EIF3H: variants seen among roughly 807,000 people sequenced by gnomAD.
EIF3H encodes eIF-3-gamma.
In EIF3H, 26 loss-of-function variants were observed where a neutral mutation model predicts 44.2. The ratio of observed to expected loss-of-function variants is 0.59; its 90% CI spans 0.43 to 0.82. The LOEUF (loss-of-function observed/expected upper bound fraction) is 0.82. Ranked by LOEUF, EIF3H falls within the 40% of genes least tolerant of loss-of-function variation. The pLI is 0.00. For synonymous variants in EIF3H, 166 were observed against 151.9 expected (o/e 1.09, Z -0.68); for missense variants, 359 against 432.8 (o/e 0.83, Z 1.51).
At chr8:116,663,082 G>C (rs1239029004) in intron 2 of EIF3H, among the ~76,000 whole-genome samples, 1 of 152,116 alleles carries the variant, frequency 6.6e-6, no homozygotes, top group Non-Finnish European at 1.5e-5. Flanking sequence ...TAGCCCACAG[G>C]CTCTGGTGAC....
At chr8:116,731,285 A>G (rs1814946205) in intron 1 of EIF3H, among the ~76,000 whole-genome samples, 1 of 152,182 alleles carries the variant, frequency 6.6e-6, no homozygotes. Context: ...GGGGAGCTTT[A>G]AAGTATACTA....
chr8:116,706,645 G>A (rs1452019036), intron 2 of EIF3H, among the ~76,000 whole-genome samples: 2 of 151,996 alleles, frequency 1.3e-5, no homozygotes, highest in Non-Finnish European at 2.9e-5. Flanking sequence ...AGAGATTCTT[G>A]TGCCTCAGCC....
chr8:116,718,083 T>C (rs1814684574), intron 2 of EIF3H, among the ~76,000 whole-genome samples: 1 of 151,546 alleles, frequency 6.6e-6, no homozygotes, highest in South Asian at 2.1e-4. Context: ...GCTAAGGACA[T>C]GAAAGAGGAT....
chr8:116,765,071 G>C (rs968158007), intron 1 of EIF3H, among the ~76,000 whole-genome samples: 1 of 152,096 alleles, frequency 6.6e-6, no homozygotes, highest in African/African-American at 2.4e-5. Flanking sequence ...AAGAAAAAAT[G>C]TTTTAACTGT....
At chr8:116,707,452 C>A (rs1053507670) in intron 2 of EIF3H, among the ~76,000 whole-genome samples, 11 of 152,122 alleles carry the variant, frequency 7.2e-5, no homozygotes, top group Non-Finnish European at 1.3e-4. Flanking sequence ...AGAACAGGTG[C>A]TTTTTACAAA....
chr8:116,757,755 T>C (rs1348786583), upstream of EIF3H, among the ~76,000 whole-genome samples: 1 of 151,450 alleles, frequency 6.6e-6, no homozygotes, highest in Non-Finnish European at 1.5e-5. Context: ...AGAGTCTCCC[T>C]GTGTCACCCA....
At chr8:116,707,092 T>C (rs1357520113) in intron 2 of EIF3H, among the ~76,000 whole-genome samples, 1 of 152,202 alleles carries the variant, frequency 6.6e-6, no homozygotes. Context: ...AAGGCAGAAT[T>C]ATCCACGGAA....
intron 1 of EIF3H, among the ~76,000 whole-genome samples, chr8:116,752,750 AAAG>A (rs1815374368): frequency 1.0e-5 from 1 of 95,980 alleles, no homozygotes; most frequent in Non-Finnish European, 2.1e-5. Context: ...AGAAAGAAAG[AAAG>A]AGGGAGGGAG....
chr8:116,720,346 A>G (rs1563652367), intron 2 of EIF3H, among the ~76,000 whole-genome samples: 1 of 152,182 alleles, frequency 6.6e-6, no homozygotes, highest in Non-Finnish European at 1.5e-5. Flanking sequence ...TAAATGTTTA[A>G]CATGCATGTT....
intron 1 of EIF3H, among the ~76,000 whole-genome samples, chr8:116,741,846 T>C (rs1815138408): frequency 6.6e-6 from 1 of 152,252 alleles, no homozygotes; most frequent in South Asian, 2.1e-4. Flanking sequence ...GTCTGTGAAC[T>C]TGGCAGTTTT....
chr8:116,731,722 A>G (rs1047063307), intron 1 of EIF3H, among the ~76,000 whole-genome samples: 29 of 152,232 alleles, frequency 1.9e-4, no homozygotes, highest in South Asian at 6.2e-4. Context: ...TCTGCAGCAC[A>G]GTAAGACTTA....
At chr8:116,691,241 CCA>C (rs1439783584) in intron 2 of EIF3H, among the ~76,000 whole-genome samples, 23 of 152,160 alleles carry the variant, frequency 1.5e-4, no homozygotes, top group African/African-American at 5.6e-4. Context: ...CACACATATA[CCA>C]CACTTTGAAA....
intron 2 of EIF3H, among the ~76,000 whole-genome samples, chr8:116,691,778 A>G (rs190465715): frequency 4.0e-4 from 60 of 151,824 alleles, no homozygotes; most frequent in African/African-American, 1.4e-3. Flanking sequence ...GGGAGGCTGA[A>G]GCAGAATTGC....
intron 2 of EIF3H, among the ~76,000 whole-genome samples, chr8:116,673,616 T>C (rs1586446005): frequency 6.6e-6 from 1 of 152,156 alleles, no homozygotes; most frequent in African/African-American, 2.4e-5. Context: ...AAAATAGAAA[T>C]GGCTTTATTG....
intron 1 of EIF3H, among the ~76,000 whole-genome samples, chr8:116,732,591 A>G (rs567847334): frequency 1.2e-4 from 18 of 152,338 alleles, no homozygotes; most frequent in Middle Eastern, 3.4e-3. Flanking sequence ...GTAACTACAG[A>G]AAGATTTGAA....
chr8:116,734,768 C>G, intron 1 of EIF3H, among the ~76,000 whole-genome samples: 1 of 152,138 alleles, frequency 6.6e-6, no homozygotes, highest in East Asian at 1.9e-4. Flanking sequence ...CCATGTTGGC[C>G]AGGCTGGTCT....
In EIF3H at chr8:116,725,074, A is replaced by T. The variant is rs1586478348; in HGVS notation, c.289+942T>A. Among the ~76,000 whole-genome samples, 6 of 152,354 alleles carry T rather than the reference A, an allele frequency of 3.9e-5. 1 individual carries two copies. Among genetic ancestry groups the T allele is most frequent in the Admixed American group, 3.9e-4 (6 of 15,304 alleles). ...GCTGGATAAGGAAAATGTGGTATAT[A>T]CAGATGATGAATTATTATTCAGCCT... On this transcript the variant is annotated intron_variant, in intron 2 of 7. Transcript: ENST00000521861.
At chr8:116,656,417 T>TA (rs1813491485) in intron 4 of EIF3H, among the ~76,000 whole-genome samples, 1 of 152,164 alleles carries the variant, frequency 6.6e-6, no homozygotes, top group South Asian at 2.1e-4. Flanking sequence ...CCTCTTGAAT[T>TA]AGAGTTTAAC....
intron 2 of EIF3H, among the ~76,000 whole-genome samples, chr8:116,689,839 T>C (rs959307254): frequency 6.6e-6 from 1 of 152,170 alleles, no homozygotes; most frequent in African/African-American, 2.4e-5. Flanking sequence ...AGGTCAGATT[T>C]CCTGAATTTT....
Sources: allele counts gnomAD v4.1 joint callset (sites outside exome capture counted in the v4.1 genomes callset), GRCh38; gene constraint gnomAD v4.1.1; transcripts MANE v1.5; gene names NCBI Gene and HGNC (gene_info 2026-07-23, HGNC 2026-07-21).